The following C12orf42 variants were observed in gnomAD, a reference collection of about 807,000 sequenced individuals.
The protein encoded by C12orf42 is chromosome 12 open reading frame 42.
In C12orf42, 25 loss-of-function variants were observed where a neutral mutation model predicts 21.6. The observed-to-expected ratio is 1.16, with a 90% CI of 0.84 to 1.62. C12orf42 has a LOEUF of 1.62. Ranked by LOEUF, C12orf42 falls within the 40% of genes most tolerant of loss-of-function variation. C12orf42 has a pLI of 0.00. For synonymous variants in C12orf42, 174 were observed against 175.0 expected (o/e 0.99, Z 0.05); for missense variants, 483 against 459.3 (o/e 1.05, Z -0.47).
intron 2 of C12orf42, among the ~76,000 whole-genome samples, chr12:103,475,874 T>G (rs960879482): frequency 6.6e-6 from 1 of 152,344 alleles, no homozygotes; most frequent in South Asian, 2.1e-4. Flanking sequence ...CTAGGCCAGA[T>G]GAAGCCTCAG....
At chr12:103,421,239 A>G (rs1468161467) in intron 2 of C12orf42, among the ~76,000 whole-genome samples, 3 of 152,158 alleles carry the variant, frequency 2.0e-5, no homozygotes, top group Non-Finnish European at 4.4e-5. Flanking sequence ...AGAGGAAAGG[A>G]GGCAAAGAGA....
the C12orf42 span, among the ~76,000 whole-genome samples, chr12:103,512,706 C>G: frequency 6.6e-6 from 1 of 152,090 alleles, no homozygotes; most frequent in Non-Finnish European, 1.5e-5. Flanking sequence ...AGAAGTTGAT[C>G]CTTAAGAAGA....
downstream of C12orf42, among the ~76,000 whole-genome samples, chr12:103,264,721 G>T (rs973745728): frequency 6.6e-6 from 1 of 151,988 alleles, no homozygotes; most frequent in Non-Finnish European, 1.5e-5. Context: ...ATACAAAACA[G>T]GTGTAACAAG....
At chr12:103,323,316 GA>G (rs1249622255) in intron 4 of C12orf42, among the ~76,000 whole-genome samples, 2 of 152,150 alleles carry the variant, frequency 1.3e-5, no homozygotes, top group Non-Finnish European at 2.9e-5. Flanking sequence ...AAGAAAGACA[GA>G]AATAGTTATT....
chr12:103,462,096 GTTTTTTTT>G (rs71097979), intron 2 of C12orf42, among the ~76,000 whole-genome samples: 5 of 27,732 alleles, frequency 1.8e-4, no homozygotes, highest in South Asian at 1.5e-3. Flanking sequence ...TTTTTGCTTG[GTTTTTTTT>G]TTTTTTTTTT....
chr12:103,173,476 C>G, the C12orf42 span, among the ~76,000 whole-genome samples: 1 of 152,112 alleles, frequency 6.6e-6, no homozygotes, highest in South Asian at 2.1e-4. Flanking sequence ...TCTGAGGAAT[C>G]TAAAAGCCCC....
At position 103,302,414 on chromosome 12, in the gene C12orf42, G is replaced by C. The variant is rs1012710785; in HGVS notation, c.777C>G (p.Asp259Glu). ...AVPAGAQAHP[D>E]DIQSRLLGAS... The stretch of plus-strand genomic sequence containing the variant: ...CGCCCAGGAGTCTGCTTTGGATGTC[G>C]TCGGGGTGTGCCTGAGCGCCTGCTG... Residue 259 changes from aspartate to glutamate, a missense_variant, in exon 6 of 6, where the codon GAC (aspartate) becomes GAG (glutamate). Coordinates refer to ENST00000548883, the MANE Select transcript of C12orf42 (RefSeq NM_198521.5). The C allele has an allele frequency of 2.5e-6, 4 of 1,613,782 alleles. No individual in the cohort carries two copies. In the African/African-American group the frequency reaches 4.0e-5, roughly 16 times the overall value.
chr12:103,523,336 T>C, the C12orf42 span, among the ~76,000 whole-genome samples: 1 of 152,088 alleles, frequency 6.6e-6, no homozygotes, highest in Non-Finnish European at 1.5e-5. Flanking sequence ...AAATAAAAAC[T>C]CATTCTAAAA....
At chr12:103,418,636 T>C (rs1479505738) in intron 2 of C12orf42, among the ~76,000 whole-genome samples, 1 of 152,126 alleles carries the variant, frequency 6.6e-6, no homozygotes, top group Non-Finnish European at 1.5e-5. Context: ...CATTAATTTA[T>C]CATTCCTGTA....
the C12orf42 span, among the ~76,000 whole-genome samples, chr12:103,535,240 T>A: frequency 6.6e-6 from 1 of 152,120 alleles, no homozygotes; most frequent in Admixed American, 6.6e-5. Flanking sequence ...TTGCCTCAGA[T>A]GGAAAGGATA....
At chr12:103,140,826 G>C in the C12orf42 span, among the ~76,000 whole-genome samples, 3 of 151,844 alleles carry the variant, frequency 2.0e-5, no homozygotes, top group African/African-American at 7.3e-5. Context: ...AATGTGATTG[G>C]GAGACACACA....
At chr12:103,076,204 C>T in the C12orf42 span, among the ~76,000 whole-genome samples, 81 of 151,674 alleles carry the variant, frequency 5.3e-4, no homozygotes, top group African/African-American at 1.8e-3. Context: ...GTATGTTCTG[C>T]ACATGTATCC....
At chr12:103,552,043 A>G in the C12orf42 span, among the ~76,000 whole-genome samples, 1 of 151,396 alleles carries the variant, frequency 6.6e-6, no homozygotes, top group Non-Finnish European at 1.5e-5. Flanking sequence ...TTTTTTTTTT[A>G]ACTTAAACTG....
At chr12:103,162,208 G>A in the C12orf42 span, among the ~76,000 whole-genome samples, 3 of 152,174 alleles carry the variant, frequency 2.0e-5, no homozygotes, top group African/African-American at 7.2e-5. Flanking sequence ...GCAGCACTCG[G>A]TAAAGAGGCA....
At chr12:103,189,037 A>G in the C12orf42 span, among the ~76,000 whole-genome samples, 1 of 149,028 alleles carries the variant, frequency 6.7e-6, no homozygotes, top group Non-Finnish European at 1.5e-5. Context: ...TATTTGTTTA[A>G]TTGGTTAAGA....
intron 2 of C12orf42, among the ~76,000 whole-genome samples, chr12:103,433,063 A>G (rs929729189): frequency 4.6e-5 from 7 of 152,214 alleles, no homozygotes; most frequent in African/African-American, 1.4e-4. Flanking sequence ...TTCACACTAT[A>G]CAGTAATTGT....
the C12orf42 span, among the ~76,000 whole-genome samples, chr12:103,158,834 C>T: frequency 1.4e-5 from 2 of 147,146 alleles, no homozygotes; most frequent in Non-Finnish European, 3.0e-5. Flanking sequence ...GAGCCGAGAT[C>T]GTGCCACTGC....
At chr12:103,293,248 A>C (rs976325306) in intron 4 of C12orf42, among the ~76,000 whole-genome samples, 2 of 152,072 alleles carry the variant, frequency 1.3e-5, no homozygotes, top group African/African-American at 4.8e-5. Context: ...ATTTCACTTT[A>C]TAAGGTAAAT....
the C12orf42 span, among the ~76,000 whole-genome samples, chr12:103,061,607 C>T: frequency 6.6e-6 from 1 of 150,756 alleles, no homozygotes; most frequent in Non-Finnish European, 1.5e-5. Flanking sequence ...GCAGACTGGC[C>T]CTTTTATTAA....
Sources: gnomAD v4.1 joint callset for allele counts (sites outside exome capture counted in the v4.1 genomes callset) on GRCh38, gnomAD v4.1.1 for gene constraint, MANE v1.5 for transcripts, NCBI Gene and HGNC (gene_info 2026-07-23, HGNC 2026-07-21) for gene names.